PHLPP1: variants seen among roughly 807,000 people sequenced by gnomAD.
PHLPP1 encodes the protein PH domain and leucine rich repeat protein phosphatase 1, also known as PH domain leucine-rich repeat-containing protein phosphatase 1.
In PHLPP1, 42 loss-of-function variants were observed where a neutral mutation model predicts 117.2. That is an observed-to-expected ratio of 0.36 (90% CI 0.28 to 0.46). The LOEUF (loss-of-function observed/expected upper bound fraction) is 0.46, where lower values mean the gene tolerates loss of function less well. Ranked by LOEUF, PHLPP1 falls within the 20% of genes least tolerant of loss-of-function variation. The pLI is 1.00. For missense variants in PHLPP1, 2,084 were observed against 2,241.9 expected (o/e 0.93, Z 1.42); for synonymous variants, 1,042 against 970.7 (o/e 1.07, Z -1.37).
In PHLPP1 at chr18:62,716,784, C is replaced by A; in HGVS notation, c.1101C>A (p.Ser367Arg). ...ESVSDRLDPY[S>R]SGGGSSSSSE... is the part of the protein sequence containing the mutation. ...TGTCTGACCGGTTGGACCCCTACAG[C>A]AGCGGCGGCGGCTCCTCGTCGTCGT... The change falls in exon 1 of 17, where the codon AGC becomes AGA. Residue 367 changes from serine (S) to arginine (R), a missense_variant. Ser to Arg is a moderately radical substitution (Grantham distance 110, BLOSUM62 -1). This residue lies in a region of PHLPP1 where 719 missense variants were observed against 636.0 expected (regional missense o/e 1.13). Coordinates refer to ENST00000262719, the MANE Select transcript of PHLPP1 (RefSeq NM_194449.4). The surrounding 1 kb of genome is among the most constrained non-coding windows in gnomAD (Gnocchi z 5.7). The A allele has an allele frequency of 6.5e-7, 1 of 1,526,822 alleles. No individual in the cohort carries two copies. The highest frequency in any genetic ancestry group is 8.8e-7 in the Non-Finnish European group (1 of 1,142,356). 94.6% of individuals were successfully genotyped at this position (1,526,822 alleles called of 1,614,324 possible). A position where few individuals can be genotyped will look rare whatever the true frequency, so the allele number is the denominator to read the frequency against.
chr18:62,786,472 T>C (rs1301556580), intron 1 of PHLPP1, among the ~76,000 whole-genome samples: 1 of 152,238 alleles, frequency 6.6e-6, no homozygotes, highest in Non-Finnish European at 1.5e-5. Context: ...GGCTGTTTTA[T>C]TTCCTAGCTC....
intron 1 of PHLPP1, among the ~76,000 whole-genome samples, chr18:62,721,783 AAGAT>A (rs1910928069): frequency 6.6e-6 from 1 of 152,184 alleles, no homozygotes; most frequent in African/African-American, 2.4e-5. Context: ...TGGTTGCTAT[AAGAT>A]TATCAAATCA....
chr18:62,898,039 CAA>C (rs1916613758), intron 6 of PHLPP1, among the ~76,000 whole-genome samples: 1 of 152,064 alleles, frequency 6.6e-6, no homozygotes, highest in South Asian at 2.1e-4. Flanking sequence ...CCTCTTTGTA[CAA>C]AGTGTGGCTG....
At chr18:62,800,087 C>T (rs1913734928) in intron 1 of PHLPP1, among the ~76,000 whole-genome samples, 1 of 152,108 alleles carries the variant, frequency 6.6e-6, no homozygotes, top group Non-Finnish European at 1.5e-5. Flanking sequence ...CTGACTGCAC[C>T]TTGAGAGAAC....
chr18:62,777,094 A>G (rs1460691673), intron 1 of PHLPP1, among the ~76,000 whole-genome samples: 1 of 152,190 alleles, frequency 6.6e-6, no homozygotes, highest in African/African-American at 2.4e-5. Context: ...CCAATGGTAG[A>G]TGTTCGTTTA....
At position 62,832,584 on chromosome 18, in the gene PHLPP1, G is replaced by A. The variant is rs116789342; in HGVS notation, c.1773+2353G>A. ...CCACTGAGTGAATTGAAAGTTAATAGCTTCCTCTTTTCACAAGCAAAACTT... is the reference window on the plus strand; with the variant it reads ...CCACTGAGTGAATTGAAAGTTAATAACTTCCTCTTTTCACAAGCAAAACTT... On this transcript the variant is annotated intron_variant, in intron 2 of 16. Transcript: ENST00000262719. 9.3e-3 allele frequency among the ~76,000 whole-genome samples: 1,423 copies of A among 152,246 alleles called. 27 individuals are homozygous for A. The highest frequency in any genetic ancestry group is 0.033 in the African/African-American group (1,361 of 41,530).
At chr18:62,721,640 G>A (rs1910922938) in intron 1 of PHLPP1, among the ~76,000 whole-genome samples, 1 of 152,132 alleles carries the variant, frequency 6.6e-6, no homozygotes. Flanking sequence ...GCTAGAGATA[G>A]TAAGTTCTTC....
intron 1 of PHLPP1, among the ~76,000 whole-genome samples, chr18:62,766,615 TAA>T (rs1912543504): frequency 6.6e-6 from 1 of 152,148 alleles, no homozygotes; most frequent in Non-Finnish European, 1.5e-5. Flanking sequence ...ACCACTCAAC[TAA>T]TAGAGCTAAG....
At chr18:62,963,183 T>G (rs1338456196) in intron 13 of PHLPP1, among the ~76,000 whole-genome samples, 185 bp from the exon 14 acceptor site, 1 of 152,232 alleles carries the variant, frequency 6.6e-6, no homozygotes, top group African/African-American at 2.4e-5. Flanking sequence ...TATATGCCCC[T>G]CAGTTTTCAT....
chr18:62,804,595 A>G lies in PHLPP1; in HGVS notation c.1577-25440A>G, dbSNP rs1425601699. On this transcript the variant is annotated intron_variant, in intron 1 of 16. Transcript: ENST00000262719. ...AGAAAAAGAAAATAAAAGAAAAAGTAATTGTTAGAGGCTTTTTAAATGTAT... is the reference window on the plus strand; with the variant it reads ...AGAAAAAGAAAATAAAAGAAAAAGTGATTGTTAGAGGCTTTTTAAATGTAT... Among the ~76,000 whole-genome samples, 6 of 152,058 alleles carry G rather than the reference A, an allele frequency of 3.9e-5. No homozygotes were observed. The East Asian group carries it at 1.2e-3, about 29-fold the overall frequency.
chr18:62,770,658 G>C (rs1912731986), intron 1 of PHLPP1, among the ~76,000 whole-genome samples: 1 of 151,862 alleles, frequency 6.6e-6, no homozygotes, highest in South Asian at 2.1e-4. Context: ...AAGATTCATA[G>C]TTTGGATTTC....
At position 62,860,421 on chromosome 18, in the gene PHLPP1, T is replaced by G; in HGVS notation, c.1900-14T>G. ...AAGTGGATGGTATTAAAATTAAGTT[T>G]TATCCCCCTTTAGGTTGCATCCCAG... is the stretch of plus-strand genomic sequence containing the variant. On this transcript the variant is annotated splice_polypyrimidine_tract_variant and intron_variant, in intron 3 of 16. Transcript: ENST00000262719. The G allele has an allele frequency of 1.2e-6, 2 of 1,612,034 alleles. No homozygotes were observed. The highest frequency in any genetic ancestry group is 1.7e-6 in the Non-Finnish European group (2 of 1,178,640).
intron 1 of PHLPP1, among the ~76,000 whole-genome samples, chr18:62,804,858 ATATT>A (rs908769735): frequency 1.2e-4 from 18 of 150,012 alleles, no homozygotes; most frequent in African/African-American, 4.1e-4. Flanking sequence ...TATACACTAT[ATATT>A]ATACATATAC....
chr18:62,904,861 G>A (rs955344001), intron 7 of PHLPP1, among the ~76,000 whole-genome samples: 6 of 152,168 alleles, frequency 3.9e-5, no homozygotes, highest in African/African-American at 1.4e-4. Context: ...GGTGATGAGG[G>A]CAAAAGACAA....
intron 1 of PHLPP1, among the ~76,000 whole-genome samples, chr18:62,794,707 T>A (rs1453670995): frequency 6.6e-6 from 1 of 152,200 alleles, no homozygotes; most frequent in East Asian, 1.9e-4. Context: ...CAATTAACAA[T>A]TTAAAGAACT....
intron 1 of PHLPP1, among the ~76,000 whole-genome samples, chr18:62,757,854 A>C (rs1346402984): frequency 6.6e-6 from 1 of 152,178 alleles, no homozygotes; most frequent in Non-Finnish European, 1.5e-5. Flanking sequence ...TATTTCCTGC[A>C]AAAACGTTTT....
intron 6 of PHLPP1, among the ~76,000 whole-genome samples, chr18:62,900,015 G>A (rs1031080214): frequency 2.0e-5 from 3 of 152,098 alleles, no homozygotes; most frequent in Non-Finnish European, 2.9e-5. Flanking sequence ...AGTTTGTCTG[G>A]GCCAGGTGCA....
Position 62,899,379 on chromosome 18 carries a change from G to T in PHLPP1, c.2444+3368G>T, listed in dbSNP as rs543111351. The stretch of plus-strand genomic sequence containing the variant: ...AGCTATTCAGGCAGGCACCAAACTT[G>T]CCCTGTGCTCTTCTGTTTGATGCAG... On this transcript the variant is annotated intron_variant, in intron 6 of 16. Coordinates refer to ENST00000262719, the MANE Select transcript of PHLPP1 (RefSeq NM_194449.4). Among the ~76,000 whole-genome samples the T allele has an allele frequency of 8.5e-4, 130 of 152,154 alleles. 2 individuals are homozygous for T. The highest frequency in any genetic ancestry group is 7.8e-3 in the Admixed American group (120 of 15,288).
chr18:62,890,198 A>T (rs1457018783), intron 4 of PHLPP1, among the ~76,000 whole-genome samples: 1 of 152,148 alleles, frequency 6.6e-6, no homozygotes, highest in Non-Finnish European at 1.5e-5. Flanking sequence ...TATATACATA[A>T]AATGAATGGG....
Sources: gnomAD v4.1 joint callset for allele counts (sites outside exome capture counted in the v4.1 genomes callset) on GRCh38, gnomAD v4.1.1 for gene constraint, gnomAD v4.1.1 regional missense constraint, Gnocchi (gnomAD v3.1) non-coding constraint, MANE v1.5 for transcripts, NCBI Gene and HGNC (gene_info 2026-07-23, HGNC 2026-07-21) for gene names.